The following ARHGAP1 variants were observed in gnomAD, a reference collection of about 807,000 sequenced individuals.
ARHGAP1 encodes the protein Rho GTPase activating protein 1, also known as rho GTPase-activating protein 1.
ARHGAP1 carries 23 observed loss-of-function variants against 52.2 expected under a neutral mutation model. That is an observed-to-expected ratio of 0.44 (90% CI 0.32 to 0.62). ARHGAP1 has a LOEUF of 0.62. ARHGAP1 is among the 20% of genes least tolerant of loss of function. The pLI, the probability that ARHGAP1 is intolerant of heterozygous loss-of-function variation, is 0.05. For synonymous variants in ARHGAP1, 210 were observed against 228.4 expected (o/e 0.92, Z 0.73); for missense variants, 480 against 560.9 (o/e 0.86, Z 1.46).
chr11:46,679,558 G>A lies in ARHGAP1; in HGVS notation c.1027+90C>T, dbSNP rs72912170. On this transcript the variant is annotated intron_variant, in intron 11 of 12. Coordinates refer to ENST00000311956, the MANE Select transcript of ARHGAP1 (RefSeq NM_004308.5). The surrounding 1 kb of genome is among the most constrained non-coding windows in gnomAD (Gnocchi z 4.4). ...CAGGCTAGAGGGGAGACCCCCAGCA[G>A]TCTTCCCTGGGAGGCGCCTAGGCCC... 151,248 of 1,606,528 alleles carry A rather than the reference G, an allele frequency of 0.094. 8,465 individuals carry two copies. The highest frequency in any genetic ancestry group is 0.15 in the Middle Eastern group (915 of 5,922).
intron 3 of ARHGAP1, 101 bp from the exon 4 acceptor site, chr11:46,688,361 C>T (rs1340377888): frequency 8.4e-7 from 1 of 1,190,448 alleles, no homozygotes; most frequent in African/African-American, 1.5e-5. Flanking sequence ...GAGCCAGTTA[C>T]CACAGGGGCC....
At chr11:46,695,522 C>T (rs2064645135) in intron 3 of ARHGAP1, 138 bp downstream of exon 3, 1 of 913,090 alleles carries the variant, frequency 1.1e-6, no homozygotes, top group Non-Finnish European at 1.8e-6. Flanking sequence ...AGCCACTAGG[C>T]CACATGGCTC....
chr11:46,699,784 A>T (rs2064687217), intron 1 of ARHGAP1, among the ~76,000 whole-genome samples: 1 of 152,158 alleles, frequency 6.6e-6, no homozygotes, highest in Non-Finnish European at 1.5e-5. Flanking sequence ...TACAACAGCA[A>T]TTACAACTCT....
At chr11:46,687,279 A>G (rs2064578317) in intron 4 of ARHGAP1, 1 of 152,314 alleles carries the variant, frequency 6.6e-6, no homozygotes, top group African/African-American at 2.4e-5. Flanking sequence ...TAGAATTCCT[A>G]GATGACGCTG....
At chr11:46,690,471 A>T (rs1303979760) in intron 3 of ARHGAP1, among the ~76,000 whole-genome samples, 4 of 151,936 alleles carry the variant, frequency 2.6e-5, no homozygotes, top group African/African-American at 9.7e-5. Context: ...GCTTTAGGTG[A>T]TCCTCTCACC....
At position 46,693,169 on chromosome 11, in the gene ARHGAP1, T is replaced by G. The variant is rs7924928; in HGVS notation, c.229+2491A>C. On this transcript the variant is annotated intron_variant, in intron 3 of 12. Transcript: ENST00000311956. ...GCCTGGCCTTAACCCCAGCTAATTT[T>G]GTATTTTTAGTAGAGACGGGGTTTC... Among the ~76,000 whole-genome samples the G allele has an allele frequency of 7.0e-3, 1,058 of 152,100 alleles. 17 individuals carry two copies. The highest frequency in any genetic ancestry group is 0.024 in the African/African-American group (1,010 of 41,480).
intron 3 of ARHGAP1, among the ~76,000 whole-genome samples, chr11:46,690,167 G>A (rs2064600539): frequency 6.6e-6 from 1 of 151,696 alleles, no homozygotes; most frequent in Non-Finnish European, 1.5e-5. Context: ...ATGAGGTCAG[G>A]AGATCGAGAC....
Position 46,696,023 on chromosome 11 carries a change from C to T in ARHGAP1, c.85G>A (p.Asp29Asn), listed in dbSNP as rs778939137. The change falls in exon 2 of 13, where the codon GAT becomes AAT. Residue 29 changes from aspartate to asparagine, a missense_variant. Physicochemically the swap from Asp to Asn is conservative, Grantham distance 23 (BLOSUM62 1). Coordinates refer to ENST00000311956, the MANE Select transcript of ARHGAP1 (RefSeq NM_004308.5). The surrounding 1 kb of genome is among the most constrained non-coding windows in gnomAD (Gnocchi z 4.8). ...ALNQLKLASI[D>N]EKNWPSDEMP... ...TCATCCGAGGGCCAGTTCTTCTCAT[C>T]GATGGAGGCCAGCTTCAGCTGGTTC... The T allele has an allele frequency of 1.9e-6, 3 of 1,614,152 alleles. No individual in the cohort carries two copies. Among genetic ancestry groups the T allele is most frequent in the Non-Finnish European group, 2.5e-6 (3 of 1,180,004 alleles).
chr11:46,683,496 A>G (rs569814660), intron 4 of ARHGAP1, among the ~76,000 whole-genome samples: 32 of 152,210 alleles, frequency 2.1e-4, no homozygotes, highest in African/African-American at 7.7e-4. Flanking sequence ...AAGAGCCCCA[A>G]TTCCTCTGGT....
intron 4 of ARHGAP1, among the ~76,000 whole-genome samples, chr11:46,682,986 C>A (rs2064540230): frequency 1.3e-5 from 2 of 150,756 alleles, no homozygotes; most frequent in Non-Finnish European, 3.0e-5. Context: ...GATCCAAGGT[C>A]ACACAGCTTG....
chr11:46,679,087 G>A lies in ARHGAP1; in HGVS notation c.1270C>T (p.Leu424=). The change falls in exon 13 of 13, where the codon CTG becomes TTG. Residue 424 remains leucine, a synonymous_variant. Transcript: ENST00000311956. This position sits in a 1 kb window ranked among gnomAD's most constrained non-coding sequence, Gnocchi z 4.4. The part of the protein sequence containing the change: ...NPINTFTKFL[L]DHQGELFPSP... The stretch of plus-strand genomic sequence containing the variant: ...GGGAACAGCTCCCCTTGGTGATCCA[G>A]AAGGAACTTGGTGAAGGTGTTGATG... 1 of 1,614,242 alleles carries A rather than the reference G, an allele frequency of 6.2e-7. No homozygotes were observed. The highest frequency in any genetic ancestry group is 8.5e-7 in the Non-Finnish European group (1 of 1,180,030).
intron 3 of ARHGAP1, among the ~76,000 whole-genome samples, chr11:46,688,920 C>A (rs1224523025): frequency 1.3e-5 from 2 of 151,646 alleles, no homozygotes; most frequent in Admixed American, 1.3e-4. Flanking sequence ...CCCATCTCTA[C>A]CAAAAATACA....
At position 46,679,938 on chromosome 11, in the gene ARHGAP1, A is replaced by C; in HGVS notation, c.899-162T>G. The C allele has an allele frequency of 8.1e-7, 1 of 1,235,942 alleles. No homozygotes were observed. The highest frequency in any genetic ancestry group is 1.1e-6 in the Non-Finnish European group (1 of 908,588). The allele number at this position is 1,235,942 out of a possible 1,614,324, so 76.6% of individuals were successfully genotyped here. ...TGCCTCCCTCTTCCTCTGTGATCAG[A>C]GAATGCAGGTTCCGGCCATCTGGGG... On this transcript the variant is annotated intron_variant, in intron 10 of 12. Coordinates refer to ENST00000311956, the MANE Select transcript of ARHGAP1 (RefSeq NM_004308.5). This position sits in a 1 kb window ranked among gnomAD's most constrained non-coding sequence, Gnocchi z 4.4.
intron 3 of ARHGAP1, among the ~76,000 whole-genome samples, chr11:46,690,953 C>G (rs1241851117): frequency 1.3e-5 from 2 of 152,070 alleles, no homozygotes; most frequent in East Asian, 3.9e-4. Flanking sequence ...ATAACTGTAG[C>G]TCACTGCAGC....
chr11:46,694,852 T>C (rs1240068191), intron 3 of ARHGAP1, among the ~76,000 whole-genome samples: 4 of 152,128 alleles, frequency 2.6e-5, no homozygotes, highest in East Asian at 3.9e-4. Flanking sequence ...AGCACCCCCA[T>C]AGCCAGACAG....
Position 46,679,218 on chromosome 11 carries a change from G to C in ARHGAP1, c.1139C>G (p.Ala380Gly), listed in dbSNP as rs750759610. 3 of 1,600,554 alleles carry C rather than the reference G, an allele frequency of 1.9e-6. No individual in the cohort carries two copies. The African/African-American group carries it at 4.0e-5, about 21-fold the overall frequency. ...FLTAFLVQIS[A>G]HSDQNKMTNT... ...GGTCATCTTGTTCTGGTCACTGTGT[G>C]CAGAAATCTGTGGAGGGAATCAGGG... The change falls in exon 13 of 13, where the codon GCA (alanine) becomes GGA (glycine). Residue 380 changes from alanine (A) to glycine (G), a missense_variant. Coordinates refer to ENST00000311956, the MANE Select transcript of ARHGAP1 (RefSeq NM_004308.5). This position sits in a 1 kb window ranked among gnomAD's most constrained non-coding sequence, Gnocchi z 4.4.
At position 46,679,378 on chromosome 11, in the gene ARHGAP1, GCAGT is replaced by G; in HGVS notation, c.1114_1117del (p.Thr372LeufsTer15). On this transcript the variant is annotated frameshift_variant, in exon 12 of 13. Transcript: ENST00000311956. LOFTEE classifies it high-confidence loss of function. This position sits in a 1 kb window ranked among gnomAD's most constrained non-coding sequence, Gnocchi z 4.4. Reference sequence around the variant, plus strand: ...CCAAGGTCTCACCTGCACCAGGAAAGCAGTCAGGAAACGAAGCACCTGGTAGTTC... The same window carrying G: ...CCAAGGTCTCACCTGCACCAGGAAAGCAGGAAACGAAGCACCTGGTAGTTC... 6.2e-7 allele frequency: 1 copy of G among 1,614,074 alleles called. No homozygotes were observed. The highest frequency in any genetic ancestry group is 8.5e-7 in the Non-Finnish European group (1 of 1,179,998).
rs190139019 is a variant in ARHGAP1, at chr11:46,679,640, G to A, written c.1027+8C>T. The A allele has an allele frequency of 1.5e-5, 25 of 1,613,940 alleles. No homozygotes were observed. The East Asian group carries it at 4.9e-4, about 32-fold the overall frequency. On this transcript the variant is annotated splice_region_variant and intron_variant, in intron 11 of 12. Coordinates refer to ENST00000311956, the MANE Select transcript of ARHGAP1 (RefSeq NM_004308.5). The surrounding 1 kb of genome is among the most constrained non-coding windows in gnomAD (Gnocchi z 4.4). ...GCCCCAGGCCCAACAGAAGAGATGG[G>A]GACTCACTGAGGAAGCCCACCACAT... is the stretch of plus-strand genomic sequence containing the variant.
rs1257708356 is a variant in ARHGAP1, at chr11:46,681,339, T to C, written c.490A>G (p.Thr164Ala). ...NIKALYIVHP[T>A]MFIKTLLILF... ...ATGAGCAGAGTTTTGATGAACATGG[T>C]TGGATGCACGATGTACAAGGCCTTG... Residue 164 changes from threonine to alanine, a missense_variant, in exon 6 of 13, where the codon ACC becomes GCC. Thr to Ala is a moderately conservative substitution (Grantham distance 58). Coordinates refer to ENST00000311956, the MANE Select transcript of ARHGAP1 (RefSeq NM_004308.5). This position sits in a 1 kb window ranked among gnomAD's most constrained non-coding sequence, Gnocchi z 5.7. 3.1e-6 allele frequency: 5 copies of C among 1,613,712 alleles called. No homozygotes were observed. The African/African-American group carries it at 6.7e-5, about 22-fold the overall frequency.
Sources: gnomAD v4.1 joint callset for allele counts (sites outside exome capture counted in the v4.1 genomes callset) on GRCh38, gnomAD v4.1.1 for gene constraint, Gnocchi (gnomAD v3.1) non-coding constraint, MANE v1.5 for transcripts, NCBI Gene and HGNC (gene_info 2026-07-23, HGNC 2026-07-21) for gene names.